Variants in SLC4A1AP observed in about 807,000 individuals in gnomAD.
SLC4A1AP encodes kanadaptin.
A neutral mutation model predicts 89.7 loss-of-function variants in SLC4A1AP; 64 were observed. The ratio of observed to expected loss-of-function variants is 0.71; its 90% CI spans 0.58 to 0.88. SLC4A1AP has a LOEUF of 0.88. Ranked by LOEUF, SLC4A1AP falls within the 40% of genes least tolerant of loss-of-function variation. SLC4A1AP has a pLI of 0.00. For synonymous variants in SLC4A1AP, 366 were observed against 353.3 expected, an observed-to-expected ratio of 1.04 and a Z score of -0.40; for missense variants, 931 against 965.0, an observed-to-expected ratio of 0.96 and a Z score of 0.47.
chr2:27,668,484 C>T (rs900202502), intron 3 of SLC4A1AP, among the ~76,000 whole-genome samples: 1 of 152,166 alleles, frequency 6.6e-6, no homozygotes, highest in African/African-American at 2.4e-5. Flanking sequence ...GGGTCTCACT[C>T]TGTCGCCCAG....
Position 27,675,530 on chromosome 2 carries a change from A to C in SLC4A1AP, c.1346-2A>C. The C allele has an allele frequency of 6.4e-7, 1 of 1,560,524 alleles. No homozygotes were observed. Among genetic ancestry groups the C allele is most frequent in the Non-Finnish European group, 8.7e-7 (1 of 1,152,024 alleles). ...TTTATTCATCATTTTATCTACCTCT[A>C]GTATCTCGGAAAAGGAAAGCCAAGA... On this transcript the variant is annotated splice_acceptor_variant, in intron 5 of 13. Coordinates refer to ENST00000613058, the Ensembl canonical transcript of SLC4A1AP. LOFTEE classifies it high-confidence loss of function.
At chr2:27,665,710 A>G (rs1263218874) in intron 2 of SLC4A1AP, among the ~76,000 whole-genome samples, 5 of 152,254 alleles carry the variant, frequency 3.3e-5, no homozygotes, top group Non-Finnish European at 7.3e-5. Flanking sequence ...CTTTGTGAAG[A>G]TATCCTGAAA....
intron 5 of SLC4A1AP, among the ~76,000 whole-genome samples, chr2:27,670,436 T>C (rs1238496369): frequency 6.6e-6 from 1 of 152,138 alleles, no homozygotes; most frequent in Non-Finnish European, 1.5e-5. Context: ...CAAAGTAACT[T>C]ATGTCTGGTT....
At chr2:27,668,957 T>C (rs1675378143) in intron 4 of SLC4A1AP, 54 bp downstream of exon 4, 1 of 1,495,712 alleles carries the variant, frequency 6.7e-7, no homozygotes, top group Non-Finnish European at 9.3e-7. Flanking sequence ...ATTTCAGGTT[T>C]AATGTATGGT....
At chr2:27,688,128 T>C in intron 11 of SLC4A1AP, 108 bp downstream of exon 11, 1 of 823,896 alleles carries the variant, frequency 1.2e-6, no homozygotes, top group Non-Finnish European at 2.0e-6. Context: ...AATGGTCCTT[T>C]AGTTATGTTG....
chr2:27,694,947 C>A (rs112012867), exon 14 of SLC4A1AP: 4,729 of 328,696 alleles, frequency 0.014, 205 homozygotes, highest in African/African-American at 0.093. Context: ...AGACATGATC[C>A]TATTAAAATA....
chr2:27,678,804 G>A (rs1282949029), intron 8 of SLC4A1AP, among the ~76,000 whole-genome samples: 4 of 148,498 alleles, frequency 2.7e-5, no homozygotes, highest in Admixed American at 1.4e-4. Context: ...CTGCAGCCTT[G>A]ACCTCCTGGG....
intron 6 of SLC4A1AP, among the ~76,000 whole-genome samples, chr2:27,676,118 A>C (rs752155663): frequency 6.6e-6 from 1 of 152,220 alleles, no homozygotes; most frequent in Admixed American, 6.5e-5. Flanking sequence ...TCACAAGGTG[A>C]CGTGTTAATG....
chr2:27,671,468 C>T (rs911874104), intron 5 of SLC4A1AP, among the ~76,000 whole-genome samples: 1 of 152,150 alleles, frequency 6.6e-6, no homozygotes, highest in South Asian at 2.1e-4. Context: ...CTTTCAGTAG[C>T]CTCACCACAT....
chr2:27,665,123 A>C (rs1158537984), exon 2 of SLC4A1AP: 1 of 1,612,184 alleles, frequency 6.2e-7, no homozygotes, highest in Non-Finnish European at 8.5e-7. Flanking sequence ...ACCGAGAGGC[A>C]GAATCCGAGT....
chr2:27,670,465 T>C (rs1302371840), intron 5 of SLC4A1AP, among the ~76,000 whole-genome samples: 1 of 152,162 alleles, frequency 6.6e-6, no homozygotes, highest in South Asian at 2.1e-4. Flanking sequence ...CCAAAAGGCT[T>C]ATAATAAAAT....
At chr2:27,687,968 T>G (rs1291796117) in exon 11 of SLC4A1AP, 4 of 1,613,796 alleles carry the variant, frequency 2.5e-6, no homozygotes, top group Non-Finnish European at 3.4e-6. Context: ...AAGAACAGAA[T>G]AAAGATTATC....
exon 2 of SLC4A1AP, chr2:27,665,148 T>C (rs115183409): frequency 6.2e-7 from 1 of 1,613,028 alleles, no homozygotes; most frequent in East Asian, 2.2e-5. Context: ...AGTAACACAG[T>C]TGAAGGAATT....
chr2:27,682,385 CT>C, intron 9 of SLC4A1AP, 26 bp downstream of exon 9: 2 of 1,422,004 alleles, frequency 1.4e-6, no homozygotes, highest in Non-Finnish European at 2.0e-6. Flanking sequence ...GGGTGTTAAA[CT>C]TTTAGCCCTT....
intron 12 of SLC4A1AP, among the ~76,000 whole-genome samples, chr2:27,690,646 C>T (rs1299149818): frequency 1.3e-5 from 2 of 152,014 alleles, no homozygotes; most frequent in African/African-American, 2.4e-5. Flanking sequence ...ACCACAATGC[C>T]CAGCTAATTT....
intron 12 of SLC4A1AP, among the ~76,000 whole-genome samples, chr2:27,690,785 T>C (rs1351550078): frequency 2.0e-5 from 3 of 152,186 alleles, no homozygotes; most frequent in Non-Finnish European, 4.4e-5. Context: ...GATGATCATA[T>C]GGTTTTTGTT....
exon 7 of SLC4A1AP, chr2:27,677,354 C>G (rs370287017): frequency 4.9e-5 from 79 of 1,612,234 alleles, no homozygotes; most frequent in Non-Finnish European, 6.6e-5. Flanking sequence ...GATTGAAAGC[C>G]TCAAGCCAAG....
At chr2:27,693,728 A>G (rs1236555211) in exon 13 of SLC4A1AP, 58 of 1,612,566 alleles carry the variant, frequency 3.6e-5, no homozygotes, top group Non-Finnish European at 4.8e-5. Context: ...GATGACCCAG[A>G]CTACTGTGTG....
Position 27,668,833 on chromosome 2 carries a change from TC to T in SLC4A1AP, c.1145-9del, listed in dbSNP as rs756975310. ...CTATTAAAATTGTTTTGTCTGTCTT[TC>T]TCCCACAGGAGAAGAATTAGAATAT... On this transcript the variant is annotated splice_polypyrimidine_tract_variant and intron_variant, in intron 3 of 13. Coordinates refer to ENST00000613058, the Ensembl canonical transcript of SLC4A1AP. 14 of 1,613,388 alleles carry T rather than the reference TC, an allele frequency of 8.7e-6. No individual in the cohort carries two copies. In the East Asian group the frequency reaches 2.9e-4, roughly 33 times the overall value.
Sources: allele counts gnomAD v4.1 joint callset (sites outside exome capture counted in the v4.1 genomes callset), GRCh38; gene constraint gnomAD v4.1.1; transcripts MANE v1.5; gene names NCBI Gene and HGNC (gene_info 2026-07-23, HGNC 2026-07-21).